Variants in MDN1 observed in about 807,000 individuals in gnomAD.
MDN1 encodes the protein midasin.
In MDN1, 266 loss-of-function variants were observed where a neutral mutation model predicts 669.2. That is an observed-to-expected ratio of 0.40 (90% confidence interval 0.36 to 0.44). The LOEUF (loss-of-function observed/expected upper bound fraction) is 0.44, where lower values mean the gene tolerates loss of function less well. Among genes scored for constraint, MDN1 ranks in the 20% least tolerant of loss-of-function variants. The probability of loss-of-function intolerance (pLI) is 1.00; values close to 1 mark genes in which losing one functional copy is unlikely to be tolerated. For missense variants in MDN1, 5,940 were observed against 6,754.0 expected, an observed-to-expected ratio of 0.88 and a Z score of 4.22; for synonymous variants, 2,385 against 2,457.1, an observed-to-expected ratio of 0.97 and a Z score of 0.87.
Position 89,642,946 on chromosome 6 carries a change from C to G in MDN1, c.*1059G>C, listed in dbSNP as rs747735868. On this transcript the variant is annotated 3_prime_UTR_variant, in exon 102 of 102. Coordinates refer to ENST00000369393, the MANE Select transcript of MDN1 (RefSeq NM_014611.3). ...AAGGGTCGCAGACTTCACAGTGTAACTTGGAAACAGACAAGGAGATAGATG... is the reference window on the plus strand; with the variant it reads ...AAGGGTCGCAGACTTCACAGTGTAAGTTGGAAACAGACAAGGAGATAGATG... The G allele has an allele frequency of 3.9e-5, 6 of 152,208 alleles. No homozygotes were observed. The highest frequency in any genetic ancestry group is 5.9e-5 in the Non-Finnish European group (4 of 68,030). The allele number at this position is 152,208 out of a possible 1,614,324, so 9.4% of individuals were successfully genotyped here.
chr6:89,682,176 C>T (rs1044902413), intron 73 of MDN1, among the ~76,000 whole-genome samples: 3 of 152,228 alleles, frequency 2.0e-5, no homozygotes, highest in East Asian at 1.9e-4. Flanking sequence ...CAGCACATCA[C>T]GGCACATATT....
intron 2 of MDN1, among the ~76,000 whole-genome samples, chr6:89,795,790 T>A (rs747342629): frequency 6.6e-6 from 1 of 151,708 alleles, no homozygotes; most frequent in African/African-American, 2.4e-5. Context: ...CCATCTCTAC[T>A]AAAAATACAA....
In MDN1 at chr6:89,718,503, T is replaced by C. The variant is rs1477277194; in HGVS notation, c.6446A>G (p.His2149Arg). 1 of 1,614,024 alleles carries C rather than the reference T, an allele frequency of 6.2e-7. No homozygotes were observed. Among genetic ancestry groups the C allele is most frequent in the East Asian group, 2.2e-5 (1 of 44,884 alleles). The change falls in exon 43 of 102, where the codon CAT (histidine) becomes CGT (arginine). Residue 2149 changes from histidine (H) to arginine (R), a missense_variant. Physicochemically the swap from His to Arg is conservative, Grantham distance 29 (BLOSUM62 0). This residue lies in a region of MDN1 where 2,292 missense variants were observed against 2,638.3 expected (regional missense o/e 0.87). Transcript: ENST00000369393. Reference sequence around the variant, plus strand: ...CTTAGGCTTATATGTCAGAAGAAAATGACTCCAGGCTCGCAGCACTACTTC... The same window carrying C: ...CTTAGGCTTATATGTCAGAAGAAAACGACTCCAGGCTCGCAGCACTACTTC... ...DAEVVLRAWSHFLLTYKPKCL... is the reference protein window; with the variant it reads ...DAEVVLRAWSRFLLTYKPKCL...
At chr6:89,661,631 A>T in intron 87 of MDN1, 53 bp from the exon 88 acceptor site, 5 of 1,503,266 alleles carry the variant, frequency 3.3e-6, no homozygotes, top group South Asian at 1.3e-5. Flanking sequence ...ATATTTTTTT[A>T]AAAAGTAGAA....
intron 72 of MDN1, 126 bp from the exon 73 acceptor site, chr6:89,683,456 T>C: frequency 1.4e-6 from 1 of 718,486 alleles, no homozygotes; most frequent in Non-Finnish European, 2.3e-6. Context: ...TACAATGCTC[T>C]CCTTAAATAT....
intron 1 of MDN1, among the ~76,000 whole-genome samples, chr6:89,810,045 A>G (rs970857091): frequency 2.7e-5 from 4 of 149,882 alleles, no homozygotes; most frequent in African/African-American, 9.8e-5. Flanking sequence ...GGAAGATTAT[A>G]TATCAAAATA....
chr6:89,715,601 C>G lies in MDN1; in HGVS notation c.6860+52G>C, dbSNP rs1476014683. ...AGGAAGTCCTACTGAACGTCTACCT[C>G]TGCTACTGAGGCTGTCAGATTCTGA... On this transcript the variant is annotated intron_variant, in intron 45 of 101. Coordinates refer to ENST00000369393, the MANE Select transcript of MDN1 (RefSeq NM_014611.3). 1.2e-5 allele frequency: 13 copies of G among 1,104,394 alleles called. No individual in the cohort carries two copies. In the African/African-American group the frequency reaches 1.7e-4, roughly 14 times the overall value. 68.4% of individuals were successfully genotyped at this position (1,104,394 alleles called of 1,614,324 possible). A position where few individuals can be genotyped will look rare whatever the true frequency, so the allele number is the denominator to read the frequency against.
At chr6:89,760,786 A>G (rs1431009981) in intron 17 of MDN1, among the ~76,000 whole-genome samples, 2 of 152,230 alleles carry the variant, frequency 1.3e-5, no homozygotes, top group Non-Finnish European at 2.9e-5. Context: ...TGTGAAATCT[A>G]AAACAATGGA....
At position 89,658,855 on chromosome 6, in the gene MDN1, C is replaced by T. The variant is rs1010271279; in HGVS notation, c.14776G>A (p.Gly4926Arg). 17 of 1,614,110 alleles carry T rather than the reference C, an allele frequency of 1.1e-5. No homozygotes were observed. Among genetic ancestry groups the T allele is most frequent in the African/African-American group, 4.0e-5 (3 of 74,930 alleles). ...TCGTTCTGGTCGGTCTCGGTCTCTC[C>T]TCTTTCCTCAGCTTCATGACCTGCT... ...EEAGHEAEER[G>R]ETETDQNESQ... is the part of the protein sequence containing the mutation. Residue 4926 changes from glycine (G) to arginine (R), a missense_variant, in exon 89 of 102, where the codon GGA (glycine) becomes AGA (arginine). Transcript: ENST00000369393.
chr6:89,712,832 G>C (rs1236321456), intron 47 of MDN1, 46 bp from the exon 48 acceptor site: 18 of 1,556,382 alleles, frequency 1.2e-5, no homozygotes, highest in Admixed American at 3.4e-5. Flanking sequence ...ACATAAAAGT[G>C]ATATTCCCCA....
intron 60 of MDN1, 30 bp from the exon 61 acceptor site, chr6:89,696,022 G>A: frequency 6.3e-7 from 1 of 1,576,244 alleles, no homozygotes; most frequent in African/African-American, 1.4e-5. Flanking sequence ...GCACTGAAAG[G>A]TTTGTACTGT....
intron 15 of MDN1, among the ~76,000 whole-genome samples, chr6:89,771,207 C>T (rs943125702): frequency 3.3e-5 from 5 of 152,198 alleles, no homozygotes; most frequent in Admixed American, 6.5e-5. Context: ...TTTGCCTTAG[C>T]TTCATTGCTA....
At chr6:89,648,219 GAA>G (rs1808611100) in intron 98 of MDN1, 35 bp downstream of exon 98, 1 of 1,610,586 alleles carries the variant, frequency 6.2e-7, no homozygotes, top group Admixed American at 1.7e-5. Flanking sequence ...AACAGGTTGT[GAA>G]AAGTTTTCAT....
At chr6:89,776,724 C>T in intron 11 of MDN1, 29 bp from the exon 12 acceptor site, 1 of 1,445,840 alleles carries the variant, frequency 6.9e-7, no homozygotes, top group Middle Eastern at 1.8e-4. Context: ...TAAATGCTGA[C>T]TGATTTTTAA....
chr6:89,711,834 T>G (rs1049267149), intron 49 of MDN1, among the ~76,000 whole-genome samples: 1 of 152,186 alleles, frequency 6.6e-6, no homozygotes, highest in Non-Finnish European at 1.5e-5. Flanking sequence ...AAGGATAACA[T>G]GGAAACAAAA....
chr6:89,746,552 C>A (rs1310511968), intron 27 of MDN1, among the ~76,000 whole-genome samples: 1 of 141,264 alleles, frequency 7.1e-6, no homozygotes, highest in African/African-American at 2.7e-5. Context: ...TGAGATCGTG[C>A]CACTGCACTC....
In MDN1 at chr6:89,658,288, T is replaced by C; in HGVS notation, c.15104A>G (p.Gln5035Arg). 1 of 1,614,082 alleles carries C rather than the reference T, an allele frequency of 6.2e-7. No individual in the cohort carries two copies. The highest frequency in any genetic ancestry group is 2.2e-5 in the East Asian group (1 of 44,892). ...LERKEHASCG[Q>R]TGVENMQNTQ... ...GTTCTGCATGTTCTCCACACCAGTC[T>C]GCCCACAGGAGGCATGCTCCTTCCT... The change falls in exon 90 of 102, where the codon CAG (glutamine) becomes CGG (arginine). Residue 5035 changes from glutamine (Q) to arginine (R), a missense_variant. Around this residue, in one of 5 missense-constraint regions of MDN1, gnomAD observed 2,280 missense variants for 2,576.3 expected, o/e 0.88. Coordinates refer to ENST00000369393, the MANE Select transcript of MDN1 (RefSeq NM_014611.3).
chr6:89,786,709 T>A (rs547056740), intron 8 of MDN1, among the ~76,000 whole-genome samples: 1 of 152,064 alleles, frequency 6.6e-6, no homozygotes, highest in Non-Finnish European at 1.5e-5. Flanking sequence ...CGGAGGATCA[T>A]GAGGTCAGGA....
rs750611696 is a variant in MDN1 at position 89,687,355 on chromosome 6, T to C, written c.11439A>G (p.Lys3813=). The part of the protein sequence containing the change: ...LISQMIIRWR[K]LELNCWSMSL... Reference sequence around the variant, plus strand: ...GGAGAGTCACTTACTTCAGCTCCAGTTTACGCCACCGAATGATCATCTGAC... The same window carrying C: ...GGAGAGTCACTTACTTCAGCTCCAGCTTACGCCACCGAATGATCATCTGAC... The change falls in exon 68 of 102, where the codon AAA becomes AAG. Residue 3813 remains lysine (K), a synonymous_variant. Coordinates refer to ENST00000369393, the MANE Select transcript of MDN1 (RefSeq NM_014611.3). 1.9e-6 allele frequency: 3 copies of C among 1,613,962 alleles called. No homozygotes were observed. In the Admixed American group the frequency reaches 5.0e-5, roughly 27 times the overall value.
Sources: gnomAD v4.1 joint callset for allele counts (sites outside exome capture counted in the v4.1 genomes callset) on GRCh38, gnomAD v4.1.1 for gene constraint, gnomAD v4.1.1 regional missense constraint, MANE v1.5 for transcripts, NCBI Gene and HGNC (gene_info 2026-07-23, HGNC 2026-07-21) for gene names.